Variants in CD99 observed in about 807,000 individuals in gnomAD.
The protein encoded by CD99 is CD99 molecule (Xg blood group).
In CD99, 19 loss-of-function variants were observed where a neutral mutation model predicts 28.4. That is an observed-to-expected ratio of 0.67 (90% CI 0.47 to 0.98). The LOEUF (loss-of-function observed/expected upper bound fraction) is 0.98, where lower values mean the gene tolerates loss of function less well. Ranked by LOEUF, CD99 falls within the 50% of genes least tolerant of loss-of-function variation. The probability of loss-of-function intolerance (pLI) is 0.00; values close to 1 mark genes in which losing one functional copy is unlikely to be tolerated. For synonymous variants in CD99, 103 were observed against 92.1 expected (o/e 1.12, Z -0.67); for missense variants, 283 against 248.8 (o/e 1.14, Z -0.92).
At chrX:2,700,544 G>GCATCCATCCATCCATTTATC (rs2047800361) in intron 1 of CD99, among the ~76,000 whole-genome samples, 1 of 147,058 alleles carries the variant, frequency 6.8e-6, no homozygotes, top group South Asian at 2.2e-4. Context: ...ATCCATGCGT[G>GCATCCATCCATCCATTTATC]CATCCATCCA....
chrX:2,725,770 C>T (rs1287565917), intron 7 of CD99, among the ~76,000 whole-genome samples: 2 of 152,128 alleles, frequency 1.3e-5, no homozygotes, highest in Admixed American at 1.3e-4. Flanking sequence ...CCCACCCTTA[C>T]TCCCGGCTAA....
intron 1 of CD99, among the ~76,000 whole-genome samples, chrX:2,695,637 CTTT>C (rs773294263): frequency 1.4e-5 from 2 of 141,524 alleles, no homozygotes; most frequent in Non-Finnish European, 1.5e-5. Flanking sequence ...AAAAAAAAGT[CTTT>C]TTTTTTTTTT....
intron 1 of CD99, among the ~76,000 whole-genome samples, chrX:2,700,871 A>G (rs1347191953): frequency 6.6e-6 from 1 of 151,304 alleles, no homozygotes; most frequent in Non-Finnish European, 1.5e-5. Flanking sequence ...CCATTCATCT[A>G]TCCATCCATC....
intron 1 of CD99, among the ~76,000 whole-genome samples, chrX:2,710,106 A>T (rs2048329192): frequency 6.6e-6 from 1 of 152,012 alleles, no homozygotes; most frequent in Non-Finnish European, 1.5e-5. Context: ...TCATGCTAGG[A>T]TTGCGTGTTC....
At chrX:2,702,607 G>A (rs970071146) in intron 1 of CD99, among the ~76,000 whole-genome samples, 32 of 151,788 alleles carry the variant, frequency 2.1e-4, no homozygotes, top group Non-Finnish European at 3.2e-4. Context: ...TTCATTTTAG[G>A]TTCGGGGATA....
chrX:2,724,878 AC>A (rs1351025447), intron 7 of CD99, among the ~76,000 whole-genome samples: 1 of 149,640 alleles, frequency 6.7e-6, no homozygotes, highest in Non-Finnish European at 1.5e-5. Flanking sequence ...AGCCTGGGTG[AC>A]AAAGTAAGAC....
chrX:2,724,469 A>G (rs1485863179), intron 7 of CD99, among the ~76,000 whole-genome samples: 1 of 152,136 alleles, frequency 6.6e-6, no homozygotes, highest in African/African-American at 2.4e-5. Context: ...GGCATTTGGA[A>G]TGAATAATCT....
rs763370326 is a variant in CD99 at position 2,714,405 on chromosome X, C to CT, written c.68-10dup. The CT allele has an allele frequency of 7.7e-6, 12 of 1,565,626 alleles. No individual in the cohort carries two copies. The highest frequency in any genetic ancestry group is 1.7e-4 in the Middle Eastern group (1 of 5,960). On this transcript the variant is annotated splice_polypyrimidine_tract_variant and intron_variant, in intron 1 of 9. Transcript: ENST00000381192. ...TATTTTTCTTGTTTCTAAGTTGACT[C>CT]TTTTTTTCTCTCTTAGATGGTGGTT...
Position 2,714,406 on chromosome X carries a change from T to TG in CD99, c.68-16_68-15insG, listed in dbSNP as rs764652623. ...ATTTTTCTTGTTTCTAAGTTGACTC[T>TG]TTTTTTCTCTCTTAGATGGTGGTTT... On this transcript the variant is annotated splice_polypyrimidine_tract_variant and intron_variant, in intron 1 of 9. Coordinates refer to ENST00000381192, the MANE Select transcript of CD99 (RefSeq NM_002414.5). The TG allele has an allele frequency of 6.4e-7, 1 of 1,567,710 alleles. No homozygotes were observed. Among genetic ancestry groups the TG allele is most frequent in the African/African-American group, 1.3e-5 (1 of 74,300 alleles).
chrX:2,714,848 G>T, intron 2 of CD99: 1 of 172,824 alleles, frequency 5.8e-6, no homozygotes, highest in Non-Finnish European at 1.2e-5. Context: ...AAGGAGGTCC[G>T]CCTGTATGTG....
chrX:2,737,796 G>A (rs972429046), intron 8 of CD99: 3 of 348,894 alleles, frequency 8.6e-6, no homozygotes, highest in African/African-American at 4.3e-5. Flanking sequence ...ACGCCCAGCC[G>A]TCTGCATTTG....
intron 7 of CD99, among the ~76,000 whole-genome samples, chrX:2,725,281 C>T (rs748699255): frequency 6.6e-6 from 1 of 151,908 alleles, no homozygotes. Context: ...ACCTGTAGTC[C>T]CAGCTACTCG....
chrX:2,718,671 C>T (rs2048856292), intron 3 of CD99, among the ~76,000 whole-genome samples: 1 of 152,084 alleles, frequency 6.6e-6, no homozygotes, highest in South Asian at 2.1e-4. Flanking sequence ...ACCCAGCCCT[C>T]AATGCTGTTC....
chrX:2,741,126 G>A lies in CD99; in HGVS notation c.*322G>A, dbSNP rs947382911. On this transcript the variant is annotated 3_prime_UTR_variant, in exon 10 of 10. Transcript: ENST00000381192. ...GTCAACCCCACCGAGGCACCCCCCC[G>A]TCCCCCAGAATCTTGGCTGTTTACA... The A allele has an allele frequency of 4.9e-5, 18 of 371,088 alleles. No individual in the cohort carries two copies. The highest frequency in any genetic ancestry group is 1.1e-4 in the African/African-American group (5 of 46,358). The allele number at this position is 371,088 out of a possible 1,614,324, so 23.0% of individuals were successfully genotyped here.
intron 8 of CD99, among the ~76,000 whole-genome samples, chrX:2,736,808 T>C (rs75011836): frequency 6.6e-6 from 1 of 151,332 alleles, no homozygotes. Context: ...AGTGAGCTGA[T>C]ATCGCGCCAC....
chrX:2,726,569 T>C, intron 8 of CD99, 196 bp downstream of exon 8: 1 of 679,904 alleles, frequency 1.5e-6, no homozygotes, highest in Non-Finnish European at 2.7e-6. Context: ...TGTTTTGTTG[T>C]GTGAAAGTTT....
chrX:2,721,200 T>C (rs1156767148), intron 5 of CD99, among the ~76,000 whole-genome samples: 1 of 152,148 alleles, frequency 6.6e-6, no homozygotes, highest in Non-Finnish European at 1.5e-5. Flanking sequence ...TGTTTACATA[T>C]TTAATTTTTA....
chrX:2,739,343 T>C (rs1226603041), intron 9 of CD99, among the ~76,000 whole-genome samples: 1 of 152,216 alleles, frequency 6.6e-6, no homozygotes, highest in Non-Finnish European at 1.5e-5. Flanking sequence ...TTTTATTTTG[T>C]TTGTGCATAC....
intron 1 of CD99, among the ~76,000 whole-genome samples, chrX:2,711,371 ATG>A (rs2048399243): frequency 6.7e-6 from 1 of 148,676 alleles, no homozygotes; most frequent in Non-Finnish European, 1.5e-5. Context: ...TATATACAGT[ATG>A]TATGTATATA....
Sources: allele counts gnomAD v4.1 joint callset (sites outside exome capture counted in the v4.1 genomes callset), GRCh38; gene constraint gnomAD v4.1.1; transcripts MANE v1.5; gene names NCBI Gene and HGNC (gene_info 2026-07-23, HGNC 2026-07-21).